TFEB: variants seen among roughly 807,000 people sequenced by gnomAD.
The protein encoded by TFEB is transcription factor EB, also known as T-cell transcription factor EB.
In TFEB, 12 loss-of-function variants were observed where a neutral mutation model predicts 48.0. The observed-to-expected ratio is 0.25, with a 90% CI of 0.16 to 0.40. TFEB has a LOEUF of 0.40. Ranked by LOEUF, TFEB falls within the 10% of genes least tolerant of loss-of-function variation. TFEB has a pLI of 1.00. For missense variants in TFEB, 509 were observed against 640.3 expected (o/e 0.79, Z 2.21); for synonymous variants, 244 against 261.4 (o/e 0.93, Z 0.64).
chr6:41,703,196 C>T (rs1034433482), intron 1 of TFEB, among the ~76,000 whole-genome samples: 1 of 152,220 alleles, frequency 6.6e-6, no homozygotes, highest in African/African-American at 2.4e-5. Context: ...AGGGAAGGCT[C>T]GTTGACTCCA....
chr6:41,692,678 T>C (rs1769378105), intron 1 of TFEB, among the ~76,000 whole-genome samples: 1 of 152,122 alleles, frequency 6.6e-6, no homozygotes, highest in South Asian at 2.1e-4. Context: ...TGAGCCTCCA[T>C]CTCTCCATGC....
Position 41,735,470 on chromosome 6 carries a change from G to A in TFEB, c.-143C>T. Reference sequence around the variant, plus strand: ...CCTGCTCCCGGCCTGCTCCGGCCCCGTGCCACCAGGGAGGCCCGCCCCGTC... The same window carrying A: ...CCTGCTCCCGGCCTGCTCCGGCCCCATGCCACCAGGGAGGCCCGCCCCGTC... On this transcript the variant is annotated 5_prime_UTR_variant, in exon 1 of 9. In the 5' UTR this introduces an upstream ATG that the reference lacks. Coordinates refer to ENST00000373033, the MANE Select transcript of TFEB (RefSeq NM_001271944.2). The A allele has an allele frequency of 1.0e-6, 1 of 984,614 alleles. No homozygotes were observed. Among genetic ancestry groups the A allele is most frequent in the Non-Finnish European group, 1.2e-6 (1 of 829,680 alleles). The allele number at this position is 984,614 out of a possible 1,614,324, so 61.0% of individuals were successfully genotyped here.
chr6:41,703,903 C>T (rs1458772674), intron 1 of TFEB, among the ~76,000 whole-genome samples: 2 of 152,254 alleles, frequency 1.3e-5, no homozygotes, highest in Admixed American at 6.5e-5. Flanking sequence ...AAAACTTGCC[C>T]GAGGTCACAC....
At chr6:41,733,604 G>C (rs751407726) in intron 1 of TFEB, 38 of 985,326 alleles carry the variant, frequency 3.9e-5, no homozygotes, top group Admixed American at 6.1e-5. Flanking sequence ...CGGAGAGAAG[G>C]GAGCCAGGCG....
At chr6:41,690,010 C>T (rs1415419748) in intron 3 of TFEB, among the ~76,000 whole-genome samples, 199 bp from the exon 4 acceptor site, 1 of 152,174 alleles carries the variant, frequency 6.6e-6, no homozygotes, top group African/African-American at 2.4e-5. Context: ...ACGGTTCTTG[C>T]CAAGGAGCCT....
intron 1 of TFEB, among the ~76,000 whole-genome samples, chr6:41,704,327 G>C (rs775774380): frequency 6.6e-6 from 1 of 152,232 alleles, no homozygotes; most frequent in African/African-American, 2.4e-5. Context: ...TGTCAGCTTT[G>C]TGACTGGGGG....
Position 41,734,489 on chromosome 6 carries a change from G to C in TFEB, c.-23+861C>G, listed in dbSNP as rs13198178. On this transcript the variant is annotated intron_variant, in intron 1 of 8. Coordinates refer to ENST00000373033, the MANE Select transcript of TFEB (RefSeq NM_001271944.2). The surrounding 1 kb of genome is among the most constrained non-coding windows in gnomAD (Gnocchi z 4.0). ...GGACGCGCTGGGCCAGAGCTGGTCG[G>C]GACAGCCCAGGGGTGGGCGGCACGG... 31,991 of 544,152 alleles carry C rather than the reference G, an allele frequency of 0.059. 1,035 individuals are homozygous for C. Among genetic ancestry groups the C allele is most frequent in the Non-Finnish European group, 0.066 (28,017 of 427,686 alleles). 33.7% of individuals were successfully genotyped at this position (544,152 alleles called of 1,614,324 possible).
chr6:41,734,818 G>T lies in TFEB; in HGVS notation c.-23+532C>A. On this transcript the variant is annotated intron_variant, in intron 1 of 8. Coordinates refer to ENST00000373033, the MANE Select transcript of TFEB (RefSeq NM_001271944.2). This position sits in a 1 kb window ranked among gnomAD's most constrained non-coding sequence, Gnocchi z 4.0. ...TTCCACCCGCCCCCCCATCAGCCCA[G>T]CCCCCGGGGCGTGGCGCCGCTCTGG... is the stretch of plus-strand genomic sequence containing the variant. 1.2e-6 allele frequency: 1 copy of T among 857,096 alleles called. No individual in the cohort carries two copies. The highest frequency in any genetic ancestry group is 1.4e-6 in the Non-Finnish European group (1 of 713,056). The allele number at this position is 857,096 out of a possible 1,614,324, so 53.1% of individuals were successfully genotyped here.
At chr6:41,687,639 A>G (rs1224608727) in intron 6 of TFEB, 114 bp downstream of exon 6, 2 of 1,348,370 alleles carry the variant, frequency 1.5e-6, no homozygotes, top group Non-Finnish European at 2.1e-6. Context: ...CTGCAAGTGA[A>G]TTGGCCTTGA....
chr6:41,695,047 A>G (rs1291480871), intron 1 of TFEB, among the ~76,000 whole-genome samples: 1 of 152,178 alleles, frequency 6.6e-6, no homozygotes, highest in Non-Finnish European at 1.5e-5. Context: ...GTTCCAGCTT[A>G]GTCATGTCCA....
chr6:41,702,497 C>T (rs949695455), intron 1 of TFEB, among the ~76,000 whole-genome samples: 16 of 152,128 alleles, frequency 1.1e-4, no homozygotes, highest in Middle Eastern at 3.4e-3. Context: ...GGCCTGAGGG[C>T]GATAGAGGGG....
intron 1 of TFEB, among the ~76,000 whole-genome samples, chr6:41,700,806 T>C: frequency 6.6e-6 from 1 of 152,176 alleles, no homozygotes; most frequent in East Asian, 1.9e-4. Context: ...AGCCCCAAGT[T>C]TCAGCTCACA....
chr6:41,685,454 T>C (rs1561847354), intron 8 of TFEB, among the ~76,000 whole-genome samples: 1 of 152,234 alleles, frequency 6.6e-6, no homozygotes, highest in Non-Finnish European at 1.5e-5. Flanking sequence ...TGCTAGATTT[T>C]AATGTAAATT....
At chr6:41,707,228 GC>G (rs1254373738) in intron 1 of TFEB, among the ~76,000 whole-genome samples, 1 of 152,164 alleles carries the variant, frequency 6.6e-6, no homozygotes, top group Non-Finnish European at 1.5e-5. Context: ...CAACACACCT[GC>G]CTGGAGTGAG....
chr6:41,690,861 C>G lies in TFEB; in HGVS notation c.270G>C (p.Gln90His), dbSNP rs778715283. The change falls in exon 3 of 9, where the codon CAG (glutamine) becomes CAC (histidine). Residue 90 changes from glutamine to histidine, a missense_variant. This residue lies in a region of TFEB where 251 missense variants were observed against 317.2 expected (regional missense o/e 0.79). Transcript: ENST00000373033. Reference sequence around the variant, plus strand: ...TCTCGGACAGGTACTCCCGCACCTTCTGATGCTGCGACTGCTGCAGATGGT... The same window carrying G: ...TCTCGGACAGGTACTCCCGCACCTTGTGATGCTGCGACTGCTGCAGATGGT... ...TSYHLQQSQH[Q>H]KVREYLSETY... 5.6e-6 allele frequency: 9 copies of G among 1,609,846 alleles called. No individual in the cohort carries two copies. Among genetic ancestry groups the G allele is most frequent in the Admixed American group, 5.0e-5 (3 of 59,830 alleles).
intron 1 of TFEB, among the ~76,000 whole-genome samples, chr6:41,725,126 G>C (rs1405668973): frequency 6.6e-6 from 1 of 152,068 alleles, no homozygotes; most frequent in Non-Finnish European, 1.5e-5. Flanking sequence ...TGACTTCCTC[G>C]AGGCCATGCA....
rs1771645760 is a variant in TFEB at position 41,735,523 on chromosome 6, G to A, written c.-196C>T. 6 of 984,472 alleles carry A rather than the reference G, an allele frequency of 6.1e-6. No individual in the cohort carries two copies. The highest frequency in any genetic ancestry group is 7.2e-6 in the Non-Finnish European group (6 of 829,768). 61.0% of individuals were successfully genotyped at this position (984,472 alleles called of 1,614,324 possible). A position where few individuals can be genotyped will look rare whatever the true frequency, so the allele number is the denominator to read the frequency against. ...CCCTTCCCGCCGCCGTCGGCGCCGC[G>A]GCCGCTCCCTGCGTCCCGCCCGGGC... On this transcript the variant is annotated 5_prime_UTR_variant, in exon 1 of 9. Coordinates refer to ENST00000373033, the MANE Select transcript of TFEB (RefSeq NM_001271944.2).
chr6:41,691,370 A>G lies in TFEB; in HGVS notation c.-22-135T>C. The G allele has an allele frequency of 1.1e-6, 1 of 938,500 alleles. No homozygotes were observed. Among genetic ancestry groups the G allele is most frequent in the Non-Finnish European group, 1.7e-6 (1 of 588,136 alleles). 58.1% of individuals were successfully genotyped at this position (938,500 alleles called of 1,614,324 possible). ...AGACACCGAGCCCTGAGAGGGGAAGAGATTTGCCCAAGGTCACTGAGCAAG... is the reference window on the plus strand; with the variant it reads ...AGACACCGAGCCCTGAGAGGGGAAGGGATTTGCCCAAGGTCACTGAGCAAG... On this transcript the variant is annotated intron_variant, in intron 1 of 8. Transcript: ENST00000373033. The surrounding 1 kb of genome is among the most constrained non-coding windows in gnomAD (Gnocchi z 5.2).
Position 41,730,027 on chromosome 6 carries a change from C to T in TFEB, c.-23+5323G>A, listed in dbSNP as rs1771386015. On this transcript the variant is annotated intron_variant, in intron 1 of 8. Transcript: ENST00000373033. This position sits in a 1 kb window ranked among gnomAD's most constrained non-coding sequence, Gnocchi z 4.1. ...ATTTGCAGAAACACCGGGAGGGGCC[C>T]AGCATCTGTGTTTAAACAATTCCTC... is the stretch of plus-strand genomic sequence containing the variant. 6.6e-6 allele frequency among the ~76,000 whole-genome samples: 1 copy of T among 152,074 alleles called. No individual in the cohort carries two copies. The highest frequency in any genetic ancestry group is 2.4e-5 in the African/African-American group (1 of 41,386).
Sources: allele counts gnomAD v4.1 joint callset (sites outside exome capture counted in the v4.1 genomes callset), GRCh38; gene constraint gnomAD v4.1.1; regional missense constraint gnomAD v4.1.1; non-coding constraint Gnocchi (gnomAD v3.1); transcripts MANE v1.5; gene names NCBI Gene and HGNC (gene_info 2026-07-23, HGNC 2026-07-21).